Variants in GABRA4 observed in about 807,000 individuals in gnomAD.
GABRA4 encodes gamma-aminobutyric acid receptor subunit alpha-4.
Under a neutral mutation model 49.7 loss-of-function variants are expected in GABRA4, and 12 were observed. The ratio of observed to expected loss-of-function variants is 0.24; its 90% confidence interval spans 0.15 to 0.39. GABRA4 has a LOEUF of 0.39. Ranked by LOEUF, GABRA4 falls within the 10% of genes least tolerant of loss-of-function variation. GABRA4 has a pLI of 1.00. For missense variants in GABRA4, 506 were observed against 686.0 expected (o/e 0.74, Z 2.93); for synonymous variants, 288 against 240.2 (o/e 1.20, Z -1.84).
rs1047971525 is a variant in GABRA4, at chr4:46,964,503, G to A, written c.1134+467C>T. 3.3e-5 allele frequency among the ~76,000 whole-genome samples: 5 copies of A among 151,886 alleles called. No individual in the cohort carries two copies. In the East Asian group the frequency reaches 9.7e-4, roughly 30 times the overall value. ...TGTGCTTATTTCACATTGCATGCCT[G>A]TATCAAAGCATCTCATGTACTTCAT... On this transcript the variant is annotated intron_variant, in intron 8 of 8. Coordinates refer to ENST00000264318, the MANE Select transcript of GABRA4 (RefSeq NM_000809.4).
In GABRA4 at chr4:46,965,165, C is replaced by A; in HGVS notation, c.939G>T (p.Val313=). The A allele has an allele frequency of 1.2e-6, 2 of 1,609,762 alleles. No homozygotes were observed. Among genetic ancestry groups the A allele is most frequent in the Admixed American group, 1.7e-5 (1 of 59,634 alleles). Residue 313 remains valine, a synonymous_variant, in exon 8 of 9, where the codon GTG becomes GTT. Transcript: ENST00000264318. ...ACCAGTCCATGGCGGTAGCATAGGA[C>A]ACTTTGGGCAAAGAATGTCGTGCAC... is the stretch of plus-strand genomic sequence containing the variant. The part of the protein sequence containing the change: ...SISARHSLPK[V]SYATAMDWFI...
At chr4:46,939,841 T>G (rs1334814025) in intron 8 of GABRA4, among the ~76,000 whole-genome samples, 1 of 152,014 alleles carries the variant, frequency 6.6e-6, no homozygotes, top group Non-Finnish European at 1.5e-5. Flanking sequence ...TTCTAGGTTC[T>G]TACTGATCGT....
rs181394315 is a variant in GABRA4 at position 46,934,187 on chromosome 4, G to T, written c.1135-5432C>A. On this transcript the variant is annotated intron_variant, in intron 8 of 8. Coordinates refer to ENST00000264318, the MANE Select transcript of GABRA4 (RefSeq NM_000809.4). The stretch of plus-strand genomic sequence containing the variant: ...AACTAACAAGACTGATAACGAATAG[G>T]TTTATCTTCTAGAATATCAATGAGT... 5.3e-5 allele frequency among the ~76,000 whole-genome samples: 8 copies of T among 152,026 alleles called. No individual in the cohort carries two copies. The East Asian group carries it at 1.2e-3, about 22-fold the overall frequency.
At chr4:46,947,558 A>G (rs1420552268) in intron 8 of GABRA4, among the ~76,000 whole-genome samples, 1 of 151,996 alleles carries the variant, frequency 6.6e-6, no homozygotes, top group Non-Finnish European at 1.5e-5. Flanking sequence ...AGAAGGATAG[A>G]AAGAAGAAAA....
chr4:46,945,869 T>C (rs1721962890), intron 8 of GABRA4, among the ~76,000 whole-genome samples: 1 of 152,012 alleles, frequency 6.6e-6, no homozygotes, highest in African/African-American at 2.4e-5. Flanking sequence ...TCCTTAATAG[T>C]CTCCAGGAAT....
chr4:46,935,249 T>A (rs1013570632), intron 8 of GABRA4, among the ~76,000 whole-genome samples: 1 of 152,182 alleles, frequency 6.6e-6, no homozygotes, highest in African/African-American at 2.4e-5. Context: ...ACCGAATTTG[T>A]CATTTACTAG....
chr4:46,993,379 C>T lies in GABRA4; in HGVS notation c.46G>A (p.Val16Ile), dbSNP rs1165816341. ...AGGAAGCGCAGGAGGGCGAAACTGA[C>T]CCCGGCGGACAGAGCGATCGCGGGT... Reference protein sequence around the residue: ...KVPAIALSAGVSFALLRFLCL... With the variant: ...KVPAIALSAGISFALLRFLCL... The change falls in exon 1 of 9, where the codon GTC becomes ATC. Residue 16 changes from valine to isoleucine, a missense_variant. Around this residue, in one of 5 missense-constraint regions of GABRA4, gnomAD observed 195 missense variants for 326.0 expected, o/e 0.60. Coordinates refer to ENST00000264318, the MANE Select transcript of GABRA4 (RefSeq NM_000809.4). 6.2e-7 allele frequency: 1 copy of T among 1,614,228 alleles called. No homozygotes were observed. Among genetic ancestry groups the T allele is most frequent in the Admixed American group, 1.7e-5 (1 of 60,034 alleles).
intron 3 of GABRA4, among the ~76,000 whole-genome samples, chr4:46,977,979 T>TA (rs1407941189): frequency 6.6e-6 from 1 of 152,086 alleles, no homozygotes; most frequent in African/African-American, 2.4e-5. Flanking sequence ...AGTTAAAGTG[T>TA]AAAAAATATC....
Position 46,991,647 on chromosome 4 carries a change from G to A in GABRA4, c.205+1181C>T, listed in dbSNP as rs956308368. ...CATCTGATACCATCCCCATCTGCAC[G>A]GCTTTGTCTTTTAAATACACAGCCT... On this transcript the variant is annotated intron_variant, in intron 2 of 8. Coordinates refer to ENST00000264318, the MANE Select transcript of GABRA4 (RefSeq NM_000809.4). Among the ~76,000 whole-genome samples, 4 of 152,004 alleles carry A rather than the reference G, an allele frequency of 2.6e-5. No homozygotes were observed. In the South Asian group the frequency reaches 6.2e-4, roughly 24 times the overall value.
intron 8 of GABRA4, among the ~76,000 whole-genome samples, chr4:46,938,049 CT>C (rs1451137775): frequency 2.0e-5 from 3 of 151,806 alleles, no homozygotes; most frequent in African/African-American, 7.2e-5. Context: ...TAATTTATAA[CT>C]TTTCTTTTTC....
intron 8 of GABRA4, among the ~76,000 whole-genome samples, chr4:46,931,254 C>T (rs1721424736): frequency 6.6e-6 from 1 of 152,000 alleles, no homozygotes; most frequent in Non-Finnish European, 1.5e-5. Context: ...TAGAAAATGT[C>T]AACATTCATG....
chr4:46,955,667 C>T (rs1005642787), intron 8 of GABRA4, among the ~76,000 whole-genome samples: 3 of 151,942 alleles, frequency 2.0e-5, no homozygotes, highest in African/African-American at 7.2e-5. Flanking sequence ...AACATACTGA[C>T]AGTTGATAGG....
chr4:46,922,094 G>C lies in GABRA4; in HGVS notation c.*6131C>G, dbSNP rs1186971927. On this transcript the variant is annotated 3_prime_UTR_variant, in exon 9 of 9. Transcript: ENST00000264318. The stretch of plus-strand genomic sequence containing the variant: ...ATGTAGAGGTAAAGATAAAAATTCT[G>C]ATAGACTATATTTGAGAGTTGTGAA... 6 of 152,040 alleles carry C rather than the reference G, an allele frequency of 3.9e-5. No individual in the cohort carries two copies. Among genetic ancestry groups the C allele is most frequent in the Non-Finnish European group, 8.8e-5 (6 of 67,998 alleles). The allele number at this position is 152,040 out of a possible 1,614,324, so 9.4% of individuals were successfully genotyped here. A position where few individuals can be genotyped will look rare whatever the true frequency, so the allele number is the denominator to read the frequency against.
At chr4:46,970,634 A>C (rs1258314991) in intron 7 of GABRA4, among the ~76,000 whole-genome samples, 1 of 151,604 alleles carries the variant, frequency 6.6e-6, no homozygotes, top group African/African-American at 2.4e-5. Flanking sequence ...AATGCATTTA[A>C]ACCGTTTGCA....
rs148941125 is a variant in GABRA4, at chr4:46,985,919, C to T, written c.206-6821G>A. Among the ~76,000 whole-genome samples the T allele has an allele frequency of 2.0e-3, 310 of 151,628 alleles. 4 individuals carry two copies. Among genetic ancestry groups the T allele is most frequent in the Middle Eastern group, 6.8e-3 (2 of 294 alleles). ...TGTTAAATATCCTGTACTAGATTATCCCAGTAGAAGAAAAAAGAAAGAAAG... is the reference window on the plus strand; with the variant it reads ...TGTTAAATATCCTGTACTAGATTATTCCAGTAGAAGAAAAAAGAAAGAAAG... On this transcript the variant is annotated intron_variant, in intron 2 of 8. Coordinates refer to ENST00000264318, the MANE Select transcript of GABRA4 (RefSeq NM_000809.4).
Position 46,993,515 on chromosome 4 carries a change from C to T in GABRA4, c.-91G>A, listed in dbSNP as rs537510578. On this transcript the variant is annotated 5_prime_UTR_variant, in exon 1 of 9. Coordinates refer to ENST00000264318, the MANE Select transcript of GABRA4 (RefSeq NM_000809.4). ...TGCGAGGAGAGGGCAGAGAGGCTCC[C>T]GCGGCGTGCGCACACTCGCGCTCAC... is the stretch of plus-strand genomic sequence containing the variant. The T allele has an allele frequency of 7.2e-5, 97 of 1,352,460 alleles. No homozygotes were observed. In the African/African-American group the frequency reaches 1.3e-3, roughly 18 times the overall value. 83.8% of individuals were successfully genotyped at this position (1,352,460 alleles called of 1,614,324 possible).
chr4:46,942,526 G>A (rs2109349104), intron 8 of GABRA4, among the ~76,000 whole-genome samples: 2 of 151,902 alleles, frequency 1.3e-5, no homozygotes, highest in East Asian at 3.9e-4. Context: ...TTGGGAGGCT[G>A]AGGCATGAGA....
intron 2 of GABRA4, among the ~76,000 whole-genome samples, chr4:46,982,477 C>T (rs1360008724): frequency 6.6e-6 from 1 of 151,896 alleles, no homozygotes; most frequent in Admixed American, 6.6e-5. Flanking sequence ...ACCAATTTTG[C>T]CTACACTTTG....
rs190924374 is a variant in GABRA4, at chr4:46,932,225, C to T, written c.1135-3470G>A. Among the ~76,000 whole-genome samples the T allele has an allele frequency of 6.1e-3, 932 of 152,202 alleles. 43 individuals are homozygous for T. The highest frequency in any genetic ancestry group is 0.054 in the Admixed American group (822 of 15,270). ...ACATATTTTGCCCTTCATAATCCCA[C>T]TCTATAAGAATTACAATATTTTAAA... On this transcript the variant is annotated intron_variant, in intron 8 of 8. Coordinates refer to ENST00000264318, the MANE Select transcript of GABRA4 (RefSeq NM_000809.4).
Sources: allele counts gnomAD v4.1 joint callset (sites outside exome capture counted in the v4.1 genomes callset), GRCh38; gene constraint gnomAD v4.1.1; regional missense constraint gnomAD v4.1.1; transcripts MANE v1.5; gene names NCBI Gene and HGNC (gene_info 2026-07-23, HGNC 2026-07-21).